ACTR3C: variants seen among roughly 807,000 people sequenced by gnomAD.
ACTR3C encodes actin related protein 3C.
ACTR3C carries 18 observed loss-of-function variants against 26.3 expected under a neutral mutation model. The ratio of observed to expected loss-of-function variants is 0.68; its 90% CI spans 0.47 to 1.01. The LOEUF (loss-of-function observed/expected upper bound fraction) is 1.01. ACTR3C is among the 50% of genes least tolerant of loss of function. The pLI is 0.00. For missense variants in ACTR3C, 184 were observed against 250.7 expected (o/e 0.73, Z 1.80); for synonymous variants, 55 against 94.5 (o/e 0.58, Z 2.42).
chr7:150,111,138 A>T, the ACTR3C span, among the ~76,000 whole-genome samples: 1 of 140,750 alleles, frequency 7.1e-6, no homozygotes, highest in East Asian at 2.0e-4. Flanking sequence ...CCATCCCCAG[A>T]CTCTCTCAAG....
At chr7:150,045,017 T>G in the ACTR3C span, 2 of 152,052 alleles carry the variant, frequency 1.3e-5, no homozygotes, top group Admixed American at 6.6e-5. Context: ...TTGCAGATGT[T>G]GAAAAGGAAA....
chr7:149,950,243 G>A, the ACTR3C span, among the ~76,000 whole-genome samples: 1 of 122,190 alleles, frequency 8.2e-6, no homozygotes, highest in Non-Finnish European at 1.6e-5. Context: ...GTGGTCATTT[G>A]CTGATGGCAA....
intron 1 of ACTR3C, among the ~76,000 whole-genome samples, chr7:150,300,138 C>G (rs35490081): frequency 0.019 from 2,909 of 152,070 alleles, 96 homozygotes; most frequent in African/African-American, 0.065. Flanking sequence ...GGATCATGAG[C>G]TCAGGAGTTT....
chr7:150,248,976 A>G lies in ACTR3C; in HGVS notation c.*10T>C. 1.5e-6 allele frequency: 1 copy of G among 664,958 alleles called. No homozygotes were observed. Among genetic ancestry groups the G allele is most frequent in the Non-Finnish European group, 2.7e-6 (1 of 367,648 alleles). 41.2% of individuals were successfully genotyped at this position (664,958 alleles called of 1,614,324 possible). A position where few individuals can be genotyped will look rare whatever the true frequency, so the allele number is the denominator to read the frequency against. ...AAATAAAAGGCTACGCATGGGCTCA[A>G]TATATCATCTCAATGAAATGGAGGT... On this transcript the variant is annotated 3_prime_UTR_variant, in exon 7 of 8. Coordinates refer to ENST00000683684, the MANE Select transcript of ACTR3C (RefSeq NM_001164458.2).
intron 6 of ACTR3C, among the ~76,000 whole-genome samples, chr7:150,254,370 T>TA (rs1833060122): frequency 6.6e-6 from 1 of 152,180 alleles, no homozygotes; most frequent in East Asian, 1.9e-4. Context: ...CTTTGAGATA[T>TA]AAAAAAGCCT....
chr7:150,179,697 C>T, the ACTR3C span, among the ~76,000 whole-genome samples: 1 of 151,666 alleles, frequency 6.6e-6, no homozygotes, highest in South Asian at 2.1e-4. Context: ...CGCTATGTTG[C>T]CCAGACTGGT....
the ACTR3C span, among the ~76,000 whole-genome samples, chr7:150,114,324 A>G: frequency 3.3e-5 from 5 of 152,228 alleles, no homozygotes; most frequent in East Asian, 1.9e-4. Context: ...TATTATTTCT[A>G]TTTGCCTAGT....
chr7:149,940,762 T>A, the ACTR3C span, among the ~76,000 whole-genome samples: 1 of 145,010 alleles, frequency 6.9e-6, no homozygotes, highest in South Asian at 2.4e-4. Flanking sequence ...GGGATGACCC[T>A]GTAGGTGCAA....
the ACTR3C span, among the ~76,000 whole-genome samples, chr7:150,010,182 C>A: frequency 7.9e-5 from 12 of 152,224 alleles, 1 homozygote; most frequent in Admixed American, 2.0e-4. Context: ...TGTTCCTTTG[C>A]ATGGACAATG....
chr7:150,028,659 AGAG>A, the ACTR3C span, among the ~76,000 whole-genome samples: 2 of 152,230 alleles, frequency 1.3e-5, no homozygotes, highest in Non-Finnish European at 2.9e-5. Context: ...CTGTCTGGGA[AGAG>A]GAGGGCCTGT....
At chr7:150,106,568 T>C in the ACTR3C span, among the ~76,000 whole-genome samples, 25 of 144,978 alleles carry the variant, frequency 1.7e-4, no homozygotes, top group South Asian at 2.2e-4. Context: ...CTAGATCTTA[T>C]ATCACTCAAC....
At chr7:149,991,169 T>C in the ACTR3C span, among the ~76,000 whole-genome samples, 1 of 152,194 alleles carries the variant, frequency 6.6e-6, no homozygotes, top group African/African-American at 2.4e-5. Context: ...GGAACTCCCC[T>C]TTATAAACCA....
chr7:150,141,770 G>T, the ACTR3C span, among the ~76,000 whole-genome samples: 1 of 152,000 alleles, frequency 6.6e-6, no homozygotes, highest in Non-Finnish European at 1.5e-5. Flanking sequence ...CTACAAGCAG[G>T]GGGTGTGGGA....
chr7:149,884,298 G>C, the ACTR3C span, among the ~76,000 whole-genome samples: 3 of 152,164 alleles, frequency 2.0e-5, no homozygotes, highest in East Asian at 5.8e-4. Flanking sequence ...GTCCTGTGTG[G>C]ATTTAGGCCA....
the ACTR3C span, among the ~76,000 whole-genome samples, chr7:150,037,809 A>G: frequency 2.0e-5 from 1 of 49,874 alleles, no homozygotes; most frequent in African/African-American, 5.7e-5. Flanking sequence ...CCAGCGGGGG[A>G]AGAGGGACTG....
At chr7:149,988,695 C>A in the ACTR3C span, among the ~76,000 whole-genome samples, 1 of 152,180 alleles carries the variant, frequency 6.6e-6, no homozygotes, top group African/African-American at 2.4e-5. Flanking sequence ...GATGAGAGAA[C>A]CCTCAGCACC....
chr7:150,074,288 T>C, the ACTR3C span: 6 of 152,070 alleles, frequency 3.9e-5, no homozygotes, highest in Admixed American at 3.9e-4. Flanking sequence ...CTGAATTAGA[T>C]GTACTGTTCT....
chr7:150,173,279 C>T, the ACTR3C span, among the ~76,000 whole-genome samples: 260 of 146,940 alleles, frequency 1.8e-3, 5 homozygotes, highest in African/African-American at 6.5e-3. Flanking sequence ...TGGAGGTTCC[C>T]AAACACAAGT....
chr7:150,036,749 C>T, the ACTR3C span, among the ~76,000 whole-genome samples: 1 of 138,600 alleles, frequency 7.2e-6, no homozygotes, highest in South Asian at 2.2e-4. Context: ...TCGTAAATCC[C>T]ATGTAAGGTA....
Sources: gnomAD v4.1 joint callset for allele counts (sites outside exome capture counted in the v4.1 genomes callset) on GRCh38, gnomAD v4.1.1 for gene constraint, MANE v1.5 for transcripts, NCBI Gene and HGNC (gene_info 2026-07-23, HGNC 2026-07-21) for gene names.